The following UTP23 variants were observed in gnomAD, a reference collection of about 807,000 sequenced individuals.
UTP23 encodes UTP23 small subunit processome component.
A neutral mutation model predicts 19.8 loss-of-function variants in UTP23; 10 were observed. The ratio of observed to expected loss-of-function variants is 0.50; its 90% confidence interval spans 0.31 to 0.86. The LOEUF (loss-of-function observed/expected upper bound fraction) is 0.86. Among genes scored for constraint, UTP23 ranks in the 40% least tolerant of loss-of-function variants. The pLI, the probability that UTP23 is intolerant of heterozygous loss-of-function variation, is 0.05. For missense variants in UTP23, 282 were observed against 293.1 expected (o/e 0.96, Z 0.28); for synonymous variants, 108 against 105.4 (o/e 1.02, Z -0.15).
At position 116,767,381 on chromosome 8, in the gene UTP23, T is replaced by C. The variant is rs185415867; in HGVS notation, c.188+590T>C. Reference sequence around the variant, plus strand: ...GCACATTTGTTTATTCAACTCGCTTTATTAAGTACCTCCTATATGCCACAT... The same window carrying C: ...GCACATTTGTTTATTCAACTCGCTTCATTAAGTACCTCCTATATGCCACAT... On this transcript the variant is annotated intron_variant, in intron 1 of 2. Transcript: ENST00000309822. 7.9e-5 allele frequency among the ~76,000 whole-genome samples: 12 copies of C among 152,338 alleles called. 1 individual carries two copies. The highest frequency in any genetic ancestry group is 5.2e-4 in the Admixed American group (8 of 15,304).
intron 1 of UTP23, among the ~76,000 whole-genome samples, chr8:116,767,300 C>T (rs1815597512): frequency 6.6e-6 from 1 of 152,194 alleles, no homozygotes; most frequent in Non-Finnish European, 1.5e-5. Flanking sequence ...CTGTGAGTTA[C>T]CATCTTTGAT....
chr8:116,768,641 T>C (rs1441087787), intron 1 of UTP23, among the ~76,000 whole-genome samples: 1 of 152,214 alleles, frequency 6.6e-6, no homozygotes, highest in Admixed American at 6.5e-5. Flanking sequence ...ATATTACATT[T>C]GATTTATATG....
chr8:116,770,251 CA>C lies in UTP23; in HGVS notation c.249del (p.Gln84LysfsTer15), dbSNP rs745473707. 17 of 1,613,944 alleles carry C rather than the reference CA, an allele frequency of 1.1e-5. No individual in the cohort carries two copies. In the South Asian group the frequency reaches 1.6e-4, roughly 16 times the overall value. On this transcript the variant is annotated frameshift_variant, in exon 2 of 3. Transcript: ENST00000309822. LOFTEE classifies it high-confidence loss of function. ...GACTTATATGGGGCAAAACTGATTGCACAAAAATGCCAAGTTCGAAATTGTC... is the reference window on the plus strand; with the variant it reads ...GACTTATATGGGGCAAAACTGATTGCCAAAAATGCCAAGTTCGAAATTGTC... ...GKDLYGAKLI[A>X]QKCQVRNCPH...
In UTP23 at chr8:116,772,090, G is replaced by A; in HGVS notation, c.*248G>A. 9.0e-7 allele frequency: 1 copy of A among 1,112,062 alleles called. No homozygotes were observed. The highest frequency in any genetic ancestry group is 1.1e-6 in the Non-Finnish European group (1 of 907,152). 68.9% of individuals were successfully genotyped at this position (1,112,062 alleles called of 1,614,324 possible). ...CCAGCTACTCAGGAGGCTGAGGCAT[G>A]AGAATCGCTTGAACCTGGGAGGCAG... On this transcript the variant is annotated 3_prime_UTR_variant, in exon 3 of 3. Coordinates refer to ENST00000309822, the MANE Select transcript of UTP23 (RefSeq NM_032334.3).
chr8:116,771,624 C>A lies in UTP23; in HGVS notation c.532C>A (p.Leu178Ile). 6.2e-7 allele frequency: 1 copy of A among 1,611,006 alleles called. No homozygotes were observed. The highest frequency in any genetic ancestry group is 8.5e-7 in the Non-Finnish European group (1 of 1,179,302). ...SVHEKESIKH[L>I]KEEQGLVKNT... The stretch of plus-strand genomic sequence containing the variant: ...GCATGAGAAAGAAAGTATCAAACAT[C>A]TCAAAGAGGAACAGGGTTTAGTGAA... The change falls in exon 3 of 3, where the codon CTC becomes ATC. Residue 178 changes from leucine (L) to isoleucine (I), a missense_variant. Leu to Ile is a conservative substitution (Grantham distance 5). Coordinates refer to ENST00000309822, the MANE Select transcript of UTP23 (RefSeq NM_032334.3).
At position 116,774,006 on chromosome 8, in the gene UTP23, G is replaced by T; in HGVS notation, c.*2164G>T. On this transcript the variant is annotated 3_prime_UTR_variant, in exon 3 of 3. Coordinates refer to ENST00000309822, the MANE Select transcript of UTP23 (RefSeq NM_032334.3). ...TTTGCTTTATTTTTTCATACAACTT[G>T]GGGAAGGGAACCATGGGAGTATGCA... The T allele has an allele frequency of 1.0e-6, 1 of 985,188 alleles. No homozygotes were observed. Among genetic ancestry groups the T allele is most frequent in the Non-Finnish European group, 1.2e-6 (1 of 829,880 alleles). 61.0% of individuals were successfully genotyped at this position (985,188 alleles called of 1,614,324 possible).
rs1424085425 is a variant in UTP23 at position 116,769,976 on chromosome 8, C to T, written c.189-216C>T. 1.5e-5 allele frequency: 6 copies of T among 398,588 alleles called. No homozygotes were observed. The East Asian group carries it at 2.2e-4, about 15-fold the overall frequency. 24.7% of individuals were successfully genotyped at this position (398,588 alleles called of 1,614,324 possible). The stretch of plus-strand genomic sequence containing the variant: ...AAGAATTTATGTAAAGAGCAATTTG[C>T]ATACTACATGGAACATAATAAGTGC... On this transcript the variant is annotated intron_variant, in intron 1 of 2. Coordinates refer to ENST00000309822, the MANE Select transcript of UTP23 (RefSeq NM_032334.3).
At position 116,769,586 on chromosome 8, in the gene UTP23, A is replaced by T. The variant is rs182905371; in HGVS notation, c.189-606A>T. 6.5e-4 allele frequency among the ~76,000 whole-genome samples: 99 copies of T among 152,348 alleles called. 1 individual carries two copies. The highest frequency in any genetic ancestry group is 1.0e-3 in the Non-Finnish European group (71 of 68,026). ...AGAGGTCAAGTCTAATGACTAAAGC[A>T]AGCAAAATCTTCTTGAAACAGAAAG... is the stretch of plus-strand genomic sequence containing the variant. On this transcript the variant is annotated intron_variant, in intron 1 of 2. Coordinates refer to ENST00000309822, the MANE Select transcript of UTP23 (RefSeq NM_032334.3).
chr8:116,766,544 G>T lies in UTP23; in HGVS notation c.-60G>T. On this transcript the variant is annotated 5_prime_UTR_variant, in exon 1 of 3. Transcript: ENST00000309822. ...AAACTGGCATTGAGGGTACTGGGGC[G>T]TGCGTGAGGCGTTTACTGATGCTTC... The T allele has an allele frequency of 1.3e-6, 2 of 1,554,426 alleles. No individual in the cohort carries two copies. Among genetic ancestry groups the T allele is most frequent in the Non-Finnish European group, 1.7e-6 (2 of 1,147,826 alleles).
At position 116,766,602 on chromosome 8, in the gene UTP23, G is replaced by A. The variant is rs1267038974; in HGVS notation, c.-2G>A. On this transcript the variant is annotated 5_prime_UTR_variant, in exon 1 of 3. Transcript: ENST00000309822. ...GGTGGCCTCGGTCCCGGTAAGCCAG[G>A]CATGAAGATCACAAGGCAGAAACAT... 6.2e-7 allele frequency: 1 copy of A among 1,611,872 alleles called. No homozygotes were observed. The highest frequency in any genetic ancestry group is 2.2e-5 in the East Asian group (1 of 44,844).
In UTP23 at chr8:116,771,950, T is replaced by C; in HGVS notation, c.*108T>C. The C allele has an allele frequency of 6.9e-7, 1 of 1,447,886 alleles. No individual in the cohort carries two copies. Among genetic ancestry groups the C allele is most frequent in the Non-Finnish European group, 9.0e-7 (1 of 1,110,602 alleles). 89.7% of individuals were successfully genotyped at this position (1,447,886 alleles called of 1,614,324 possible). Reference sequence around the variant, plus strand: ...TATTTTTGTAAATGAACCCATATGCTTTAGCTAAAATTAATTATAAAATAA... The same window carrying C: ...TATTTTTGTAAATGAACCCATATGCCTTAGCTAAAATTAATTATAAAATAA... On this transcript the variant is annotated 3_prime_UTR_variant, in exon 3 of 3. Transcript: ENST00000309822.
chr8:116,766,931 G>A (rs181297202), intron 1 of UTP23, 140 bp downstream of exon 1: 170 of 817,126 alleles, frequency 2.1e-4, no homozygotes, highest in Non-Finnish European at 2.8e-4. Context: ...TAAGTGGAGA[G>A]GTGAAGGTGG....
chr8:116,773,147 G>A lies in UTP23; in HGVS notation c.*1305G>A, dbSNP rs142092565. The A allele has an allele frequency of 5.1e-6, 5 of 985,404 alleles. No homozygotes were observed. In the African/African-American group the frequency reaches 8.7e-5, roughly 17 times the overall value. The allele number at this position is 985,404 out of a possible 1,614,324, so 61.0% of individuals were successfully genotyped here. A position where few individuals can be genotyped will look rare whatever the true frequency, so the allele number is the denominator to read the frequency against. ...ACGTAGACTAATCTGGCAAGCCAAG[G>A]TAGTGTTTGGATTGCAATGTCATGA... On this transcript the variant is annotated 3_prime_UTR_variant, in exon 3 of 3. Coordinates refer to ENST00000309822, the MANE Select transcript of UTP23 (RefSeq NM_032334.3).
intron 1 of UTP23, among the ~76,000 whole-genome samples, chr8:116,769,467 G>T (rs111810189): frequency 0.011 from 1,677 of 152,260 alleles, 34 homozygotes; most frequent in African/African-American, 0.039. Context: ...AGTCTTGGAG[G>T]ATAAATTTGG....
At chr8:116,770,528 G>C in intron 2 of UTP23, 162 bp downstream of exon 2, 1 of 641,976 alleles carries the variant, frequency 1.6e-6, no homozygotes. Context: ...TTGAGAATTT[G>C]AGGAAAACTT....
At chr8:116,769,746 A>G (rs192529003) in intron 1 of UTP23, among the ~76,000 whole-genome samples, 6 of 152,298 alleles carry the variant, frequency 3.9e-5, no homozygotes, top group Non-Finnish European at 7.3e-5. Flanking sequence ...AAATGTTTTG[A>G]AAGTATACCA....
At position 116,772,818 on chromosome 8, in the gene UTP23, C is replaced by T. The variant is rs117711965; in HGVS notation, c.*976C>T. 3.7e-3 allele frequency: 3,667 copies of T among 985,300 alleles called. 8 individuals carry two copies. The highest frequency in any genetic ancestry group is 4.1e-3 in the Non-Finnish European group (3,391 of 829,906). The allele number at this position is 985,300 out of a possible 1,614,324, so 61.0% of individuals were successfully genotyped here. ...AATGAAACGTGTCTCTCTGAATTCC[C>T]CCGGCAATTGTTTTAGTCATTTATC... On this transcript the variant is annotated 3_prime_UTR_variant, in exon 3 of 3. Transcript: ENST00000309822.
Position 116,772,191 on chromosome 8 carries a change from A to AG in UTP23, c.*349_*350insG, listed in dbSNP as rs377618972. The stretch of plus-strand genomic sequence containing the variant: ...AGTGAGAACATGTCTCAAAAAAAAA[A>AG]TAAAAACAGTGAATGGGTGTAGGTG... On this transcript the variant is annotated 3_prime_UTR_variant, in exon 3 of 3. Transcript: ENST00000309822. 1.0e-6 allele frequency: 1 copy of AG among 1,000,888 alleles called. No homozygotes were observed. The highest frequency in any genetic ancestry group is 1.7e-5 in the African/African-American group (1 of 57,676). 62.0% of individuals were successfully genotyped at this position (1,000,888 alleles called of 1,614,324 possible).
intron 2 of UTP23, chr8:116,770,666 C>A (rs569945036): frequency 3.6e-4 from 73 of 203,594 alleles, no homozygotes; most frequent in Non-Finnish European, 6.1e-4. Flanking sequence ...AGGCTGGTCT[C>A]GAACCCCTAG....
Sources: gnomAD v4.1 joint callset for allele counts (sites outside exome capture counted in the v4.1 genomes callset) on GRCh38, gnomAD v4.1.1 for gene constraint, MANE v1.5 for transcripts, NCBI Gene and HGNC (gene_info 2026-07-23, HGNC 2026-07-21) for gene names.